The following ZNF432 variants were observed in gnomAD, a reference collection of about 807,000 sequenced individuals.
The protein encoded by ZNF432 is zinc finger protein 432.
Under a neutral mutation model 13.9 loss-of-function variants are expected in ZNF432, and 10 were observed. That is an observed-to-expected ratio of 0.72 (90% CI 0.44 to 1.22). The LOEUF (loss-of-function observed/expected upper bound fraction) is 1.22. Among genes scored for constraint, ZNF432 ranks in the 50% most tolerant of loss-of-function variants. ZNF432 has a pLI of 0.00. For synonymous variants in ZNF432, 247 were observed against 256.2 expected, an observed-to-expected ratio of 0.96 and a Z score of 0.34; for missense variants, 793 against 796.2, an observed-to-expected ratio of 1.00 and a Z score of 0.05.
chr19:52,036,079 T>C (rs1418997322), intron 4 of ZNF432, among the ~76,000 whole-genome samples: 1 of 152,174 alleles, frequency 6.6e-6, no homozygotes, highest in East Asian at 1.9e-4. Context: ...CAACAGGGCT[T>C]GGAGGAACAC....
intron 4 of ZNF432, among the ~76,000 whole-genome samples, chr19:52,037,177 C>T (rs938905433): frequency 6.6e-6 from 1 of 152,176 alleles, no homozygotes; most frequent in Non-Finnish European, 1.5e-5. Flanking sequence ...AATTGGAAAT[C>T]TCCATCTGTT....
intron 3 of ZNF432, among the ~76,000 whole-genome samples, chr19:52,040,883 C>A (rs2087129066): frequency 1.3e-5 from 2 of 150,924 alleles, no homozygotes; most frequent in Admixed American, 6.6e-5. Context: ...GACATGAAAC[C>A]AACATTTGAA....
At chr19:52,045,352 C>CTTTTT (rs11433756) in intron 2 of ZNF432, among the ~76,000 whole-genome samples, 2 of 107,556 alleles carry the variant, frequency 1.9e-5, no homozygotes, top group African/African-American at 3.8e-5. Context: ...CTTTTTTTAC[C>CTTTTT]TTTTTTTTTT....
In ZNF432 at chr19:52,041,673, A is replaced by G. The variant is rs994497955; in HGVS notation, c.16-67T>C. The G allele has an allele frequency of 3.1e-6, 5 of 1,604,184 alleles. No homozygotes were observed. The Admixed American group carries it at 8.4e-5, about 27-fold the overall frequency. Reference sequence around the variant, plus strand: ...TTTTACTGACATGAAAAGAAAGTGAAGGGAAGTTGTCCCGCTCACATTAAA... The same window carrying G: ...TTTTACTGACATGAAAAGAAAGTGAGGGGAAGTTGTCCCGCTCACATTAAA... On this transcript the variant is annotated intron_variant, in intron 2 of 4. Transcript: ENST00000221315.
intron 1 of ZNF432, among the ~76,000 whole-genome samples, chr19:52,048,017 G>T (rs1440111931): frequency 6.6e-6 from 1 of 151,970 alleles, no homozygotes; most frequent in Non-Finnish European, 1.5e-5. Context: ...AGCATGGGTT[G>T]TTGTGGAAAG....
intron 4 of ZNF432, 29 bp from the exon 5 acceptor site, chr19:52,035,469 T>C (rs1223678569): frequency 5.4e-6 from 8 of 1,492,042 alleles, no homozygotes; most frequent in Non-Finnish European, 6.2e-6. Context: ...ATGAATCCTT[T>C]TATAATCTTG....
At chr19:52,038,641 T>C (rs1441024958) in intron 4 of ZNF432, among the ~76,000 whole-genome samples, 1 of 152,218 alleles carries the variant, frequency 6.6e-6, no homozygotes, top group Non-Finnish European at 1.5e-5. Context: ...AAAATCTAGA[T>C]ATGCCTTGTG....
intron 4 of ZNF432, among the ~76,000 whole-genome samples, chr19:52,039,991 T>C (rs866791805): frequency 1.3e-5 from 2 of 151,868 alleles, no homozygotes; most frequent in African/African-American, 2.4e-5. Context: ...TACAAAGCAC[T>C]GAAAAATAAA....
rs150558518 is a variant in ZNF432 at position 52,045,584 on chromosome 19, G to A, written c.15+1270C>T. On this transcript the variant is annotated intron_variant, in intron 2 of 4. Coordinates refer to ENST00000221315, the MANE Select transcript of ZNF432 (RefSeq NM_014650.4). ...TTGGTCAGGCTGGTCTTGAACTCCC[G>A]ACCTCAGGTGACCCGCCTGGTTGGC... Among the ~76,000 whole-genome samples the A allele has an allele frequency of 1.4e-3, 213 of 151,202 alleles. 2 individuals are homozygous for A. The highest frequency in any genetic ancestry group is 4.8e-3 in the African/African-American group (199 of 41,346).
At chr19:52,039,422 GC>G (rs1568522270) in intron 4 of ZNF432, among the ~76,000 whole-genome samples, 2 of 152,152 alleles carry the variant, frequency 1.3e-5, no homozygotes, top group African/African-American at 4.8e-5. Flanking sequence ...ACTGATACAT[GC>G]TAAAGAATGG....
intron 2 of ZNF432, 124 bp from the exon 3 acceptor site, chr19:52,041,730 G>A: frequency 1.8e-6 from 2 of 1,131,652 alleles, no homozygotes; most frequent in South Asian, 1.7e-5. Context: ...TAAGTCTATT[G>A]TATTTTTTAA....
At position 52,033,822 on chromosome 19, in the gene ZNF432, A is replaced by G. The variant is rs1164944977; in HGVS notation, c.1857T>C (p.His619=). 1.9e-6 allele frequency: 3 copies of G among 1,614,124 alleles called. No individual in the cohort carries two copies. The Admixed American group carries it at 5.0e-5, about 27-fold the overall frequency. ...TGCATACAAAGGGTTTCTCTCCTGT[A>G]TGAGTTCGTTGATGAACAATTAGAC... ...KSRLIVHQRT[H]TGEKPFVCSE... Residue 619 remains histidine (H), a synonymous_variant, in exon 5 of 5, where the codon CAT becomes CAC. Coordinates refer to ENST00000221315, the MANE Select transcript of ZNF432 (RefSeq NM_014650.4).
In ZNF432 at chr19:52,033,493, C is replaced by T. The variant is rs2087035662; in HGVS notation, c.*227G>A. 11 of 497,670 alleles carry T rather than the reference C, an allele frequency of 2.2e-5. No homozygotes were observed. The South Asian group carries it at 3.2e-4, about 14-fold the overall frequency. The allele number at this position is 497,670 out of a possible 1,614,324, so 30.8% of individuals were successfully genotyped here. A position where few individuals can be genotyped will look rare whatever the true frequency, so the allele number is the denominator to read the frequency against. ...AGGTTACCCCCAATCCACAGACTCT[C>T]TCTCAGATGAGTAATTTTCTATACA... On this transcript the variant is annotated 3_prime_UTR_variant, in exon 5 of 5. Transcript: ENST00000221315.
At position 52,042,818 on chromosome 19, in the gene ZNF432, C is replaced by T. The variant is rs564049642; in HGVS notation, c.16-1212G>A. On this transcript the variant is annotated intron_variant, in intron 2 of 4. Transcript: ENST00000221315. ...GACACATCAGACTGAAACTATTGAA[C>T]ATCAGATGCACATATAACATTATGC... is the stretch of plus-strand genomic sequence containing the variant. Among the ~76,000 whole-genome samples the T allele has an allele frequency of 8.5e-5, 13 of 152,222 alleles. No individual in the cohort carries two copies. In the East Asian group the frequency reaches 2.3e-3, roughly 27 times the overall value.
At position 52,034,998 on chromosome 19, in the gene ZNF432, A is replaced by G. The variant is rs1194298566; in HGVS notation, c.681T>C (p.His227=). Residue 227 remains histidine, a synonymous_variant, in exon 5 of 5, where the codon CAT becomes CAC. Transcript: ENST00000221315. ...KSQLTDHERV[H]TGEKPYGCTL... ...TACATCCATAAGGTTTTTCTCCTGTATGAACTCTCTCATGATCAGTGAGCT... is the reference window on the plus strand; with the variant it reads ...TACATCCATAAGGTTTTTCTCCTGTGTGAACTCTCTCATGATCAGTGAGCT... 1 of 1,614,088 alleles carries G rather than the reference A, an allele frequency of 6.2e-7. No homozygotes were observed. Among genetic ancestry groups the G allele is most frequent in the Non-Finnish European group, 8.5e-7 (1 of 1,179,998 alleles).
At chr19:52,044,135 C>A (rs2087160673) in intron 2 of ZNF432, among the ~76,000 whole-genome samples, 1 of 152,110 alleles carries the variant, frequency 6.6e-6, no homozygotes, top group South Asian at 2.1e-4. Context: ...CATATAATCA[C>A]AGAGATTAAT....
rs149390736 is a variant in ZNF432 at position 52,033,343 on chromosome 19, G to A, written c.*377C>T. On this transcript the variant is annotated 3_prime_UTR_variant, in exon 5 of 5. Coordinates refer to ENST00000221315, the MANE Select transcript of ZNF432 (RefSeq NM_014650.4). ...TGTTTAATCAGTTCACATTACTAAC[G>A]TGGTTTTCTCTCTGCATGAATTTGT... is the stretch of plus-strand genomic sequence containing the variant. 1.9e-4 allele frequency: 36 copies of A among 188,570 alleles called. No individual in the cohort carries two copies. Among genetic ancestry groups the A allele is most frequent in the African/African-American group, 6.1e-4 (26 of 42,412 alleles). 11.7% of individuals were successfully genotyped at this position (188,570 alleles called of 1,614,324 possible).
intron 1 of ZNF432, among the ~76,000 whole-genome samples, chr19:52,048,114 CAA>C (rs895264673): frequency 4.6e-5 from 6 of 131,032 alleles, no homozygotes; most frequent in African/African-American, 1.4e-4. Context: ...CTGTTCCAGC[CAA>C]AGTTTGAGCT....
At chr19:52,044,663 G>T (rs1305398219) in intron 2 of ZNF432, among the ~76,000 whole-genome samples, 1 of 151,992 alleles carries the variant, frequency 6.6e-6, no homozygotes, top group Non-Finnish European at 1.5e-5. Flanking sequence ...TGCAAAATAA[G>T]ACAAAAGAAT....
Sources: allele counts gnomAD v4.1 joint callset (sites outside exome capture counted in the v4.1 genomes callset), GRCh38; gene constraint gnomAD v4.1.1; transcripts MANE v1.5; gene names NCBI Gene and HGNC (gene_info 2026-07-23, HGNC 2026-07-21).